MZF1: variants seen among roughly 807,000 people sequenced by gnomAD.
The protein encoded by MZF1 is myeloid zinc finger 1.
Under a neutral mutation model 28.6 loss-of-function variants are expected in MZF1, and 24 were observed. The observed-to-expected ratio is 0.84, with a 90% CI of 0.61 to 1.18. The LOEUF is 1.18. Among genes scored for constraint, MZF1 ranks in the 50% most tolerant of loss-of-function variants. The pLI is 0.00. For synonymous variants in MZF1, 516 were observed against 432.5 expected (o/e 1.19, Z -2.40); for missense variants, 1,166 against 1,026.4 (o/e 1.14, Z -1.86).
rs370089804 is a variant in MZF1 at position 58,563,270 on chromosome 19, C to G, written c.1007G>C (p.Arg336Pro). 6.2e-7 allele frequency: 1 copy of G among 1,607,004 alleles called. No homozygotes were observed. The highest frequency in any genetic ancestry group is 8.5e-7 in the Non-Finnish European group (1 of 1,177,194). Residue 336 changes from arginine (R) to proline (P), a missense_variant, in exon 6 of 6, where the codon CGC (arginine) becomes CCC (proline). Arg to Pro is a moderately radical substitution (Grantham distance 103). Coordinates refer to ENST00000215057, the MANE Select transcript of MZF1 (RefSeq NM_198055.2). ...VGPALITTRW[R>P]SPRGRSRGRP... ...GCCCCGGCTCCGGCCCCTGGGGGAG[C>G]GCCAGCGGGTGGTGATCAGAGCAGG...
At chr19:58,564,786 G>A (rs189149062) in intron 5 of MZF1, among the ~76,000 whole-genome samples, 1 of 152,146 alleles carries the variant, frequency 6.6e-6, no homozygotes, top group East Asian at 1.9e-4. Context: ...GAGCCACAGT[G>A]GGGTTCTGTG....
chr19:58,572,798 G>A (rs2054190368), intron 1 of MZF1: 1 of 389,932 alleles, frequency 2.6e-6, no homozygotes, highest in African/African-American at 2.1e-5. Flanking sequence ...AAGTCCAGGC[G>A]GCAACTTCCG....
At position 58,570,918 on chromosome 19, in the gene MZF1, AGC is replaced by A; in HGVS notation, c.396+74_396+75del. ...ACAAGGGAGAACGTGTGTCTGGCAA[AGC>A]GTGGTGCTGCCCAGGGTGAGGCCGA... On this transcript the variant is annotated intron_variant, in intron 2 of 5. Transcript: ENST00000215057. 5 of 1,464,502 alleles carry A rather than the reference AGC, an allele frequency of 3.4e-6. No individual in the cohort carries two copies. The South Asian group carries it at 6.6e-5, about 19-fold the overall frequency. The allele number at this position is 1,464,502 out of a possible 1,614,324, so 90.7% of individuals were successfully genotyped here.
chr19:58,569,889 TAGGAATGGC>T, intron 3 of MZF1: 1 of 356,680 alleles, frequency 2.8e-6, no homozygotes, highest in Non-Finnish European at 5.2e-6. Flanking sequence ...AGGGTCCACA[TAGGAATGGC>T]AGGGTGTGAG....
chr19:58,567,817 G>GT (rs1056940929), intron 5 of MZF1, among the ~76,000 whole-genome samples: 48 of 151,722 alleles, frequency 3.2e-4, no homozygotes, highest in Non-Finnish European at 4.1e-4. Flanking sequence ...AGAACACACT[G>GT]TTTTTTTTTA....
At chr19:58,565,113 G>C (rs71355865) in intron 5 of MZF1, among the ~76,000 whole-genome samples, 2 of 144,198 alleles carry the variant, frequency 1.4e-5, no homozygotes, top group South Asian at 4.3e-4. Flanking sequence ...TTTTTTTTGA[G>C]ACGTAGTTTT....
At chr19:58,571,486 C>T in intron 1 of MZF1, 57 bp from the exon 2 acceptor site, 4 of 1,432,852 alleles carry the variant, frequency 2.8e-6, no homozygotes, top group Non-Finnish European at 3.8e-6. Context: ...TGCTTCACTG[C>T]CTAGTCTATG....
intron 1 of MZF1, chr19:58,572,425 G>C: frequency 1.6e-6 from 1 of 630,450 alleles, no homozygotes; most frequent in African/African-American, 1.9e-5. Context: ...TGGGTGGGGG[G>C]GCGGCAAAGG....
chr19:58,564,035 G>A (rs1024980753), intron 5 of MZF1: 1 of 152,754 alleles, frequency 6.5e-6, no homozygotes, highest in African/African-American at 2.4e-5. Context: ...GGGCCTGCAA[G>A]TGATCAACAC....
In MZF1 at chr19:58,569,269, T is replaced by G. The variant is rs375976867; in HGVS notation, c.772+8A>C. The G allele has an allele frequency of 2.5e-6, 4 of 1,589,362 alleles. No individual in the cohort carries two copies. The highest frequency in any genetic ancestry group is 3.4e-6 in the Non-Finnish European group (4 of 1,168,850). On this transcript the variant is annotated splice_region_variant and intron_variant, in intron 5 of 5. Transcript: ENST00000215057. ...AGGCCTAGTCCCACCACACCCCATC[T>G]CACTTACCTGGGGAGAAGATGCCCC...
In MZF1 at chr19:58,562,626, G is replaced by A. The variant is rs2053952060; in HGVS notation, c.1651C>T (p.Arg551Trp). ...FACAECGQSF[R>W]QRSNLTQHRR... ...TGCTGCGTCAGGTTGGAGCGCTGCC[G>A]GAAGCTCTGGCCGCACTCGGCACAG... is the stretch of plus-strand genomic sequence containing the variant. The change falls in exon 6 of 6, where the codon CGG becomes TGG. Residue 551 changes from arginine to tryptophan, a missense_variant. Transcript: ENST00000215057. 1.3e-6 allele frequency: 2 copies of A among 1,565,928 alleles called. No homozygotes were observed. Among genetic ancestry groups the A allele is most frequent in the Non-Finnish European group, 8.6e-7 (1 of 1,161,286 alleles).
intron 1 of MZF1, chr19:58,572,795 G>T (rs2054190199): frequency 2.5e-6 from 1 of 399,280 alleles, no homozygotes; most frequent in African/African-American, 2.1e-5. Flanking sequence ...CAGAAGTCCA[G>T]GCGGCAACTT....
rs1401224369 is a variant in MZF1, at chr19:58,562,120, G to A, written c.2157C>T (p.His719=). The change falls in exon 6 of 6, where the codon CAC becomes CAT. Residue 719 remains histidine, a synonymous_variant. Coordinates refer to ENST00000215057, the MANE Select transcript of MZF1 (RefSeq NM_198055.2). ...GGTGCTGAATGAGCTTGGTGCTCTG[G>A]TGGAAGCGGCGGCCACAGTCCTGGC... The part of the protein sequence containing the change: ...FACQDCGRRF[H]QSTKLIQHQR... 1.3e-6 allele frequency: 2 copies of A among 1,592,408 alleles called. No individual in the cohort carries two copies. Among genetic ancestry groups the A allele is most frequent in the African/African-American group, 2.7e-5 (2 of 74,692 alleles).
At chr19:58,566,138 C>T (rs2054051605) in intron 5 of MZF1, among the ~76,000 whole-genome samples, 1 of 139,538 alleles carries the variant, frequency 7.2e-6, no homozygotes, top group Admixed American at 7.1e-5. Context: ...GAGACTCCGT[C>T]TCAAAAAAAA....
chr19:58,568,543 G>A (rs925773995), intron 5 of MZF1: 1 of 152,164 alleles, frequency 6.6e-6, no homozygotes, highest in Non-Finnish European at 1.5e-5. Context: ...ATAAAAAAAG[G>A]TCTGTGACTG....
In MZF1 at chr19:58,569,529, G is replaced by A. The variant is rs1414127596; in HGVS notation, c.638C>T (p.Pro213Leu). ...GGCAGGACTTACCTGGGCCTCCTCAGGCAGGAGGGTGGGTACAGACTCCTG... is the reference window on the plus strand; with the variant it reads ...GGCAGGACTTACCTGGGCCTCCTCAAGCAGGAGGGTGGGTACAGACTCCTG... The part of the protein sequence containing the change: ...ATQESVPTLL[P>L]EEAQRCGTVL... The change falls in exon 4 of 6, where the codon CCT becomes CTT. Residue 213 changes from proline (P) to leucine (L), a missense_variant. Transcript: ENST00000215057. The A allele has an allele frequency of 6.2e-7, 1 of 1,611,592 alleles. No homozygotes were observed. Among genetic ancestry groups the A allele is most frequent in the East Asian group, 2.2e-5 (1 of 44,848 alleles).
In MZF1 at chr19:58,569,549, C is replaced by A; in HGVS notation, c.618G>T (p.Glu206Asp). 1 of 1,608,752 alleles carries A rather than the reference C, an allele frequency of 6.2e-7. No homozygotes were observed. Among genetic ancestry groups the A allele is most frequent in the Non-Finnish European group, 8.5e-7 (1 of 1,176,452 alleles). The part of the protein sequence containing the change: ...LESGPLAATQ[E>D]SVPTLLPEEA... ...CCTCAGGCAGGAGGGTGGGTACAGA[C>A]TCCTGGGTGGCAGCTAGAGGCCCAG... The change falls in exon 4 of 6, where the codon GAG becomes GAT. Residue 206 changes from glutamate (E) to aspartate (D), a missense_variant. Transcript: ENST00000215057.
chr19:58,569,050 T>G, intron 5 of MZF1: 5 of 458,268 alleles, frequency 1.1e-5, no homozygotes, highest in Admixed American at 4.1e-5. Context: ...GGGTGGGGAG[T>G]TTCTAGAAAG....
In MZF1 at chr19:58,570,545, C is replaced by A; in HGVS notation, c.397-18G>T. ...ACTGTGACCTGGGGAGGTGCCCCCA[C>A]CATCAGAAGTCCTACCAGAGAGTAA... On this transcript the variant is annotated intron_variant, in intron 2 of 5. Transcript: ENST00000215057. 1 of 1,606,604 alleles carries A rather than the reference C, an allele frequency of 6.2e-7. No homozygotes were observed.
Sources: gnomAD v4.1 joint callset for allele counts (sites outside exome capture counted in the v4.1 genomes callset) on GRCh38, gnomAD v4.1.1 for gene constraint, MANE v1.5 for transcripts, NCBI Gene and HGNC (gene_info 2026-07-23, HGNC 2026-07-21) for gene names.